The following BICD1 variants were observed in gnomAD, a reference collection of about 807,000 sequenced individuals.
The protein encoded by BICD1 is BICD cargo adaptor 1, also known as protein bicaudal D homolog 1.
In BICD1, 35 loss-of-function variants were observed where a neutral mutation model predicts 92.5. The ratio of observed to expected loss-of-function variants is 0.38; its 90% CI spans 0.29 to 0.50. The LOEUF is 0.50. Among genes scored for constraint, BICD1 ranks in the 20% least tolerant of loss-of-function variants. BICD1 has a pLI of 0.93. For missense variants in BICD1, 950 were observed against 1,189.8 expected, an observed-to-expected ratio of 0.80 and a Z score of 2.97; for synonymous variants, 429 against 465.1, an observed-to-expected ratio of 0.92 and a Z score of 1.00.
intron 2 of BICD1, among the ~76,000 whole-genome samples, chr12:32,247,265 C>T (rs1946413651): frequency 6.7e-6 from 1 of 150,254 alleles, no homozygotes; most frequent in African/African-American, 2.5e-5. Context: ...CCTATTAGAC[C>T]TTCAAGTGGT....
chr12:32,293,873 T>C, intron 2 of BICD1, 121 bp from the exon 3 acceptor site: 1 of 1,003,566 alleles, frequency 1.0e-6, no homozygotes, highest in Non-Finnish European at 1.4e-6. Flanking sequence ...TTCGAAAAAA[T>C]GCAGTAACAA....
chr12:32,377,690 C>A lies in BICD1; in HGVS notation c.*63C>A. 7.1e-7 allele frequency: 1 copy of A among 1,401,310 alleles called. No homozygotes were observed. Among genetic ancestry groups the A allele is most frequent in the Non-Finnish European group, 1.0e-6 (1 of 987,152 alleles). The allele number at this position is 1,401,310 out of a possible 1,614,324, so 86.8% of individuals were successfully genotyped here. A position where few individuals can be genotyped will look rare whatever the true frequency, so the allele number is the denominator to read the frequency against. ...TTTGTAGCCACACACAGGATACTGC[C>A]CAAGATCCAGCGGGTGTTTTCTTCT... On this transcript the variant is annotated 3_prime_UTR_variant, in exon 10 of 10. Transcript: ENST00000652176.
chr12:32,343,496 A>G (rs1256100496), intron 8 of BICD1, among the ~76,000 whole-genome samples: 2 of 152,334 alleles, frequency 1.3e-5, no homozygotes, highest in South Asian at 2.1e-4. Context: ...GCATTTACAC[A>G]TGATAAATAG....
intron 2 of BICD1, among the ~76,000 whole-genome samples, chr12:32,219,578 AT>A (rs1235163069): frequency 2.0e-5 from 3 of 152,170 alleles, no homozygotes; most frequent in African/African-American, 2.4e-5. Flanking sequence ...CATTATGTAG[AT>A]CTATATTCTT....
intron 1 of BICD1, among the ~76,000 whole-genome samples, chr12:32,117,634 G>T (rs1941963520): frequency 6.7e-6 from 1 of 149,666 alleles, no homozygotes; most frequent in South Asian, 2.1e-4. Context: ...ACACACACGG[G>T]CACATGTGCA....
intron 1 of BICD1, among the ~76,000 whole-genome samples, chr12:32,188,293 T>A (rs1250564214): frequency 6.6e-6 from 1 of 152,194 alleles, no homozygotes; most frequent in Non-Finnish European, 1.5e-5. Flanking sequence ...TCTTAGTATG[T>A]AAGTCTAGGT....
At chr12:32,334,740 T>G in intron 6 of BICD1, 73 bp downstream of exon 6, 3 of 1,506,038 alleles carry the variant, frequency 2.0e-6, no homozygotes, top group Non-Finnish European at 2.7e-6. Context: ...GCCCTGCCTT[T>G]GTGCATGTTG....
intron 2 of BICD1, among the ~76,000 whole-genome samples, chr12:32,254,266 C>T (rs1433150006): frequency 2.0e-5 from 3 of 149,430 alleles, no homozygotes; most frequent in Admixed American, 6.7e-5. Context: ...TATTCACTGC[C>T]GTATCCCACC....
chr12:32,286,897 A>G (rs1947583880), intron 2 of BICD1, among the ~76,000 whole-genome samples: 1 of 152,236 alleles, frequency 6.6e-6, no homozygotes, highest in African/African-American at 2.4e-5. Context: ...AAAAGTAAGT[A>G]GCCAGTTTCA....
intron 8 of BICD1, among the ~76,000 whole-genome samples, chr12:32,366,561 G>A (rs1939531788): frequency 6.6e-6 from 1 of 152,172 alleles, no homozygotes; most frequent in Admixed American, 6.5e-5. Context: ...CAGGAGAATC[G>A]CCTGAACCCA....
chr12:32,117,359 G>T (rs913368002), intron 1 of BICD1, among the ~76,000 whole-genome samples: 2 of 152,084 alleles, frequency 1.3e-5, no homozygotes, highest in Non-Finnish European at 2.9e-5. Flanking sequence ...CCAGAGCAGT[G>T]TTTCCAACAT....
chr12:32,205,303 G>A (rs10431282), intron 1 of BICD1, among the ~76,000 whole-genome samples: 33,396 of 151,922 alleles, frequency 0.22, 4,191 homozygotes, highest in Middle Eastern at 0.33. Context: ...TCCCAAATTA[G>A]TTAACTCAGA....
intron 2 of BICD1, among the ~76,000 whole-genome samples, chr12:32,217,910 A>G (rs1208690691): frequency 6.6e-6 from 1 of 152,194 alleles, no homozygotes; most frequent in Non-Finnish European, 1.5e-5. Context: ...GTCATGTGCA[A>G]GTTGGCAGAG....
chr12:32,301,602 C>A (rs1948048387), intron 3 of BICD1, among the ~76,000 whole-genome samples: 1 of 150,132 alleles, frequency 6.7e-6, no homozygotes, highest in African/African-American at 2.5e-5. Flanking sequence ...TGGTACAAAA[C>A]CTTGTCTCTA....
chr12:32,136,943 A>C (rs1028201925), intron 1 of BICD1, among the ~76,000 whole-genome samples: 4 of 152,134 alleles, frequency 2.6e-5, no homozygotes, highest in Admixed American at 6.5e-5. Context: ...CCAGTTCTTT[A>C]TTTAGGAGCT....
chr12:32,349,171 G>C (rs996707872), intron 8 of BICD1, among the ~76,000 whole-genome samples: 5 of 152,114 alleles, frequency 3.3e-5, no homozygotes, highest in Non-Finnish European at 5.9e-5. Context: ...CAGAGGAAGA[G>C]AGCCATCCGT....
Position 32,379,814 on chromosome 12 carries a change from G to C in BICD1, c.*2187G>C, listed in dbSNP as rs1459363518. On this transcript the variant is annotated 3_prime_UTR_variant, in exon 10 of 10. Coordinates refer to ENST00000652176, the MANE Select transcript of BICD1 (RefSeq NM_001714.4). ...GAACATGTTCGTAGATCGTCTCATC[G>C]GTTTTGTTTGGTGGGACTGGGAGTT... 4 of 152,144 alleles carry C rather than the reference G, an allele frequency of 2.6e-5. No individual in the cohort carries two copies. The highest frequency in any genetic ancestry group is 9.7e-5 in the African/African-American group (4 of 41,430). The allele number at this position is 152,144 out of a possible 1,614,324, so 9.4% of individuals were successfully genotyped here.
intron 2 of BICD1, among the ~76,000 whole-genome samples, chr12:32,286,681 C>T (rs1357523842): frequency 6.6e-6 from 1 of 152,070 alleles, no homozygotes; most frequent in African/African-American, 2.4e-5. Flanking sequence ...CTTTGTGCCT[C>T]CTTCTCAAAT....
intron 1 of BICD1, among the ~76,000 whole-genome samples, chr12:32,139,884 A>T (rs1261162492): frequency 6.6e-6 from 1 of 152,152 alleles, no homozygotes; most frequent in Admixed American, 6.5e-5. Context: ...AAAAAAAAAT[A>T]CTGGTAACAG....
Sources: allele counts gnomAD v4.1 joint callset (sites outside exome capture counted in the v4.1 genomes callset), GRCh38; gene constraint gnomAD v4.1.1; transcripts MANE v1.5; gene names NCBI Gene and HGNC (gene_info 2026-07-23, HGNC 2026-07-21).